Variants in COL13A1 observed in about 807,000 individuals in gnomAD.
COL13A1 encodes collagen type XIII alpha 1 chain.
COL13A1 carries 89 observed loss-of-function variants against 130.9 expected under a neutral mutation model. The observed-to-expected ratio is 0.68, with a 90% CI of 0.57 to 0.81. The LOEUF (loss-of-function observed/expected upper bound fraction) is 0.81, where lower values mean the gene tolerates loss of function less well. Ranked by LOEUF, COL13A1 falls within the 30% of genes least tolerant of loss-of-function variation. The probability of loss-of-function intolerance (pLI) is 0.00; values close to 1 mark genes in which losing one functional copy is unlikely to be tolerated. For missense variants in COL13A1, 879 were observed against 934.6 expected (o/e 0.94, Z 0.78); for synonymous variants, 402 against 341.6 (o/e 1.18, Z -1.95).
Position 69,919,021 on chromosome 10 carries a change from C to T in COL13A1, c.1000-41C>T, listed in dbSNP as rs752023797. On this transcript the variant is annotated intron_variant, in intron 19 of 40. Coordinates refer to ENST00000645393, the MANE Select transcript of COL13A1 (RefSeq NM_001368882.1). ...CAGGTGCCTTGCTCATTTGTTTCTG[C>T]TTTTTCTGTCTCTCACATTTGTTTC... 8.1e-6 allele frequency: 13 copies of T among 1,613,692 alleles called. No individual in the cohort carries two copies. In the East Asian group the frequency reaches 2.4e-4, roughly 30 times the overall value.
At chr10:69,905,163 G>A (rs575106422) in intron 16 of COL13A1, among the ~76,000 whole-genome samples, 74 of 152,264 alleles carry the variant, frequency 4.9e-4, no homozygotes, top group Non-Finnish European at 8.4e-4. Flanking sequence ...GGGTGCTCAC[G>A]CCAATGAAGC....
At chr10:69,835,002 A>G (rs763421124) in intron 2 of COL13A1, among the ~76,000 whole-genome samples, 1 of 152,198 alleles carries the variant, frequency 6.6e-6, no homozygotes, top group Non-Finnish European at 1.5e-5. Flanking sequence ...ACAGGAGTGC[A>G]TCTTGCTGGA....
At chr10:69,863,688 G>A (rs12412354) in intron 2 of COL13A1, among the ~76,000 whole-genome samples, 5,898 of 152,192 alleles carry the variant, frequency 0.039, 331 homozygotes, top group East Asian at 0.26. Context: ...TTCCACCCCT[G>A]AGAACTTCAT....
At chr10:69,909,077 T>C (rs2063088502) in intron 17 of COL13A1, among the ~76,000 whole-genome samples, 3 of 152,122 alleles carry the variant, frequency 2.0e-5, no homozygotes, top group Admixed American at 2.0e-4. Context: ...AGGGAAGTCA[T>C]AGCTTCATGG....
Position 69,895,324 on chromosome 10 carries a change from C to T in COL13A1, c.658-226C>T, listed in dbSNP as rs182377906. Among the ~76,000 whole-genome samples the T allele has an allele frequency of 1.8e-4, 28 of 152,336 alleles. No homozygotes were observed. In the East Asian group the frequency reaches 5.0e-3, roughly 27 times the overall value. ...AAGGCGAAGCCCCACCCCTAGGCTCCCTGGGGCCACTTCCAGGCAGGCCAT... is the reference window on the plus strand; with the variant it reads ...AAGGCGAAGCCCCACCCCTAGGCTCTCTGGGGCCACTTCCAGGCAGGCCAT... On this transcript the variant is annotated intron_variant, in intron 12 of 40. Transcript: ENST00000645393.
chr10:69,897,560 C>G (rs758952051), intron 13 of COL13A1: 2 of 1,611,724 alleles, frequency 1.2e-6, no homozygotes, highest in South Asian at 2.2e-5. Context: ...GTCTCCGGGC[C>G]CCTCTCCACT....
At chr10:69,817,834 G>T (rs972492694) in intron 1 of COL13A1, among the ~76,000 whole-genome samples, 10 of 152,170 alleles carry the variant, frequency 6.6e-5, no homozygotes, top group Admixed American at 6.5e-4. Context: ...TGGGGCCGGG[G>T]TGTTAGGTCC....
chr10:69,892,622 G>A (rs35354997), intron 10 of COL13A1, among the ~76,000 whole-genome samples: 1 of 152,196 alleles, frequency 6.6e-6, no homozygotes, highest in African/African-American at 2.4e-5. Flanking sequence ...AGGCGCCTTA[G>A]CTATGCCTCA....
chr10:69,905,868 A>G, intron 17 of COL13A1, 46 bp downstream of exon 17: 2 of 1,604,624 alleles, frequency 1.2e-6, no homozygotes, highest in Non-Finnish European at 1.7e-6. Context: ...CTTTGGACAA[A>G]TCAGTGGCCT....
chr10:69,880,086 G>A (rs1271739784), intron 6 of COL13A1, among the ~76,000 whole-genome samples: 1 of 152,036 alleles, frequency 6.6e-6, no homozygotes, highest in East Asian at 1.9e-4. Context: ...ACTCAGGCCT[G>A]GGCAGCCTTG....
intron 12 of COL13A1, 51 bp from the exon 13 acceptor site, chr10:69,895,499 G>A (rs1273901486): frequency 5.0e-6 from 8 of 1,604,778 alleles, no homozygotes; most frequent in African/African-American, 4.0e-5. Context: ...TGAGAAACAG[G>A]TACCCCCAAC....
At chr10:69,890,110 C>T (rs1326338008) in intron 10 of COL13A1, among the ~76,000 whole-genome samples, 2 of 152,126 alleles carry the variant, frequency 1.3e-5, no homozygotes, top group African/African-American at 4.8e-5. Context: ...GTGCCTCAGG[C>T]CCCAAAAAGG....
At chr10:69,926,285 C>T (rs1334840198) in intron 26 of COL13A1, among the ~76,000 whole-genome samples, 2 of 152,244 alleles carry the variant, frequency 1.3e-5, no homozygotes, top group Non-Finnish European at 2.9e-5. Flanking sequence ...CAGTTTAACC[C>T]TGTTTCAAGT....
intron 2 of COL13A1, among the ~76,000 whole-genome samples, chr10:69,851,944 C>T (rs4746920): frequency 0.46 from 69,718 of 152,060 alleles, 18,068 homozygotes; most frequent in East Asian, 0.87. Flanking sequence ...TGTGAGCCAC[C>T]GCTCCTGGCC....
At chr10:69,865,456 A>G (rs866362274) in intron 2 of COL13A1, among the ~76,000 whole-genome samples, 1 of 152,184 alleles carries the variant, frequency 6.6e-6, no homozygotes, top group Non-Finnish European at 1.5e-5. Context: ...CAGGGGCAGG[A>G]CGGGAGTTGG....
chr10:69,827,622 A>G (rs1847805422), intron 2 of COL13A1, among the ~76,000 whole-genome samples: 1 of 152,214 alleles, frequency 6.6e-6, no homozygotes, highest in African/African-American at 2.4e-5. Context: ...TTCCAGCAAC[A>G]AGAGTCTGCG....
intron 1 of COL13A1, among the ~76,000 whole-genome samples, chr10:69,810,594 G>T (rs1321463939): frequency 2.0e-5 from 3 of 152,206 alleles, no homozygotes; most frequent in African/African-American, 4.8e-5. Flanking sequence ...ATCAACTGAG[G>T]TTTGCCCTCC....
At chr10:69,849,417 G>A (rs117293280) in intron 2 of COL13A1, among the ~76,000 whole-genome samples, 1,953 of 152,340 alleles carry the variant, frequency 0.013, 21 homozygotes, top group South Asian at 0.038. Flanking sequence ...CCCATGGTCC[G>A]CAGTCACCAA....
intron 14 of COL13A1, among the ~76,000 whole-genome samples, chr10:69,899,809 C>T (rs779149074): frequency 2.0e-5 from 3 of 152,208 alleles, no homozygotes; most frequent in South Asian, 2.1e-4. Flanking sequence ...CCAGGTACCC[C>T]GCCCAGCACA....
Sources: allele counts gnomAD v4.1 joint callset (sites outside exome capture counted in the v4.1 genomes callset), GRCh38; gene constraint gnomAD v4.1.1; transcripts MANE v1.5; gene names NCBI Gene and HGNC (gene_info 2026-07-23, HGNC 2026-07-21).